Variants in PTCH1 observed in about 807,000 individuals in gnomAD.
PTCH1 encodes protein patched homolog 1.
A neutral mutation model predicts 144.6 loss-of-function variants in PTCH1; 14 were observed. That is an observed-to-expected ratio of 0.10 (90% CI 0.06 to 0.15). PTCH1 has a LOEUF of 0.15. PTCH1 is among the 10% of genes least tolerant of loss of function. The pLI is 1.00. For synonymous variants in PTCH1, 833 were observed against 793.6 expected (o/e 1.05, Z -0.83); for missense variants, 1,623 against 1,948.3 (o/e 0.83, Z 3.14).
chr9:95,472,720 T>G (rs1840689363), intron 12 of PTCH1, among the ~76,000 whole-genome samples: 1 of 152,044 alleles, frequency 6.6e-6, no homozygotes, highest in African/African-American at 2.4e-5. Flanking sequence ...ATGACGGAAA[T>G]GAAGGGATGA....
intron 1 of PTCH1, chr9:95,506,917 T>G (rs1843707781): frequency 9.2e-7 from 1 of 1,084,692 alleles, no homozygotes; most frequent in Non-Finnish European, 1.1e-6. Context: ...GAGAAACCAC[T>G]CGACACAGAC....
chr9:95,505,657 C>G (rs1044052817), intron 2 of PTCH1, among the ~76,000 whole-genome samples: 1 of 152,220 alleles, frequency 6.6e-6, no homozygotes. Flanking sequence ...CAAAATGCAG[C>G]CTTCCCCCAG....
At chr9:95,452,717 C>T (rs1012968248) in intron 20 of PTCH1, 2 of 152,612 alleles carry the variant, frequency 1.3e-5, no homozygotes, top group Non-Finnish European at 2.9e-5. Flanking sequence ...TAAATGCTTC[C>T]TAATTGTGGG....
rs748991295 is a variant in PTCH1 at position 95,469,843 on chromosome 9, C to T, written c.1817G>A (p.Arg606Lys). The change falls in exon 13 of 24, where the codon AGG becomes AAG. Residue 606 changes from arginine (R) to lysine (K), a missense_variant. Coordinates refer to ENST00000331920, the MANE Select transcript of PTCH1 (RefSeq NM_000264.5). ...AAAACAGCAGAAAATATCCAGTCTC[C>T]TGTCCTCGCGTCGATATAAATCCAT... ...LSMDLYRRED[R>K]RLDIFCCFTS... 2.5e-6 allele frequency: 4 copies of T among 1,613,938 alleles called. No individual in the cohort carries two copies. The highest frequency in any genetic ancestry group is 2.2e-5 in the East Asian group (1 of 44,896).
At position 95,508,411 on chromosome 9, in the gene PTCH1, C is replaced by T. The variant is rs900068510; in HGVS notation, c.-50G>A. 3.9e-5 allele frequency: 42 copies of T among 1,072,168 alleles called. No individual in the cohort carries two copies. The highest frequency in any genetic ancestry group is 2.0e-4 in the East Asian group (3 of 14,868). 66.4% of individuals were successfully genotyped at this position (1,072,168 alleles called of 1,614,324 possible). A position where few individuals can be genotyped will look rare whatever the true frequency, so the allele number is the denominator to read the frequency against. On this transcript the variant is annotated 5_prime_UTR_variant, in exon 1 of 24. Transcript: ENST00000331920. ...GCGGGGACGGAGGCTTCCCGGGCGG[C>T]CCGGCGCGCTGCTGCCGCTGCTGCG...
At chr9:95,489,042 A>G (rs1049055266) in intron 2 of PTCH1, among the ~76,000 whole-genome samples, 4 of 152,230 alleles carry the variant, frequency 2.6e-5, no homozygotes, top group East Asian at 1.9e-4. Flanking sequence ...CCTCTCGGGT[A>G]TAACTGTGTC....
intron 2 of PTCH1, among the ~76,000 whole-genome samples, chr9:95,492,024 ATTGT>A: frequency 6.6e-6 from 1 of 152,356 alleles, no homozygotes; most frequent in Middle Eastern, 3.4e-3. Context: ...GACAGAAACT[ATTGT>A]TAATGAGGCC....
intron 8 of PTCH1, 35 bp from the exon 9 acceptor site, chr9:95,478,221 C>T (rs2118341542): frequency 3.7e-6 from 6 of 1,613,942 alleles, no homozygotes; most frequent in Non-Finnish European, 4.2e-6. Flanking sequence ...TGCCCAAATG[C>T]AATGAACACT....
chr9:95,482,325 AC>A, intron 3 of PTCH1, 122 bp from the exon 4 acceptor site: 1 of 990,888 alleles, frequency 1.0e-6, no homozygotes, highest in South Asian at 1.5e-5. Flanking sequence ...ATCTGTCAAA[AC>A]GAGCAGAGCT....
intron 3 of PTCH1, chr9:95,484,009 C>T (rs1464277193): frequency 6.6e-6 from 1 of 152,220 alleles, no homozygotes; most frequent in Non-Finnish European, 1.5e-5. Context: ...CCAGTTTTCT[C>T]ACCTAAAACA....
At chr9:95,508,102 G>C in intron 1 of PTCH1, 59 bp downstream of exon 1, 1 of 1,602,950 alleles carries the variant, frequency 6.2e-7, no homozygotes, top group Middle Eastern at 1.7e-4. Context: ...TGTGGCGGGG[G>C]CGATCCCAAA....
At chr9:95,493,411 GCATGGCACAC>G (rs1332720427) in intron 2 of PTCH1, among the ~76,000 whole-genome samples, 13 of 152,350 alleles carry the variant, frequency 8.5e-5, no homozygotes, top group Non-Finnish European at 1.6e-4. Context: ...GGCACCAGGG[GCATGGCACAC>G]CAAGTGTGCT....
chr9:95,459,468 GA>G, intron 17 of PTCH1, 131 bp downstream of exon 17: 1 of 1,159,264 alleles, frequency 8.6e-7, no homozygotes, highest in South Asian at 1.3e-5. Context: ...TTTTAAACGA[GA>G]AGAAATAGAT....
At chr9:95,516,040 G>A (rs544227884) in intron 1 of PTCH1, among the ~76,000 whole-genome samples, 183 of 152,104 alleles carry the variant, frequency 1.2e-3, no homozygotes, top group African/African-American at 4.1e-3. Flanking sequence ...TCCATCACCA[G>A]CTCTGCCTCC....
Position 95,482,301 on chromosome 9 carries a change from G to T in PTCH1, c.585-98C>A, listed in dbSNP as rs149958303. ...AACATATAAAAAGAACTGCAATTTC[G>T]ATCACTTTTAAGCATCTGTCAAAAC... is the stretch of plus-strand genomic sequence containing the variant. On this transcript the variant is annotated intron_variant, in intron 3 of 23. Transcript: ENST00000331920. The T allele has an allele frequency of 1.7e-4, 206 of 1,214,444 alleles. No homozygotes were observed. In the African/African-American group the frequency reaches 2.9e-3, roughly 17 times the overall value. 75.2% of individuals were successfully genotyped at this position (1,214,444 alleles called of 1,614,324 possible).
intron 18 of PTCH1, among the ~76,000 whole-genome samples, chr9:95,457,411 C>A (rs1839038121): frequency 6.6e-6 from 1 of 152,156 alleles, no homozygotes; most frequent in Admixed American, 6.6e-5. Context: ...ATAATTTTGG[C>A]ATTTTAAAGG....
At position 95,476,052 on chromosome 9, in the gene PTCH1, C is replaced by G. The variant is rs374924167; in HGVS notation, c.1710G>C (p.Leu570=). Residue 570 remains leucine (L), a synonymous_variant, in exon 12 of 24, where the codon CTG becomes CTC. Transcript: ENST00000331920. The surrounding 1 kb of genome is among the most constrained non-coding windows in gnomAD (Gnocchi z 4.6). ...AGCTCACCTGGAGGGAGAACGCCCG[C>G]AGAGCGGGAATTGGGATTAACGCGG... ...FMAALIPIPA[L]RAFSLQAAVV... 2 of 1,614,036 alleles carry G rather than the reference C, an allele frequency of 1.2e-6. No homozygotes were observed. Among genetic ancestry groups the G allele is most frequent in the Admixed American group, 3.3e-5 (2 of 60,022 alleles).
chr9:95,507,275 C>T, intron 1 of PTCH1: 2 of 985,502 alleles, frequency 2.0e-6, no homozygotes, highest in Non-Finnish European at 2.4e-6. Context: ...ATCTTTCCCT[C>T]CTCTCCCTTC....
At chr9:95,505,317 T>C (rs575948070) in intron 2 of PTCH1, among the ~76,000 whole-genome samples, 3 of 152,318 alleles carry the variant, frequency 2.0e-5, no homozygotes, top group African/African-American at 4.8e-5. Flanking sequence ...ATTATCTACC[T>C]AGTCACCTCT....
Sources: allele counts gnomAD v4.1 joint callset (sites outside exome capture counted in the v4.1 genomes callset), GRCh38; gene constraint gnomAD v4.1.1; non-coding constraint Gnocchi (gnomAD v3.1); transcripts MANE v1.5; gene names NCBI Gene and HGNC (gene_info 2026-07-23, HGNC 2026-07-21).